The following NFIL3 variants were observed in gnomAD, a reference collection of about 807,000 sequenced individuals.
NFIL3 encodes the protein nuclear factor interleukin-3-regulated protein.
In NFIL3, 5 loss-of-function variants were observed where a neutral mutation model predicts 10.0. That is an observed-to-expected ratio of 0.50 (90% CI 0.26 to 1.06). The LOEUF is 1.06. Ranked by LOEUF, NFIL3 falls within the 50% of genes least tolerant of loss-of-function variation. The pLI, the probability that NFIL3 is intolerant of heterozygous loss-of-function variation, is 0.13. For synonymous variants in NFIL3, 202 were observed against 206.5 expected (o/e 0.98, Z 0.19); for missense variants, 436 against 547.6 (o/e 0.80, Z 2.03).
the NFIL3 span, among the ~76,000 whole-genome samples, chr9:91,465,151 T>C: frequency 6.6e-6 from 1 of 152,146 alleles, no homozygotes; most frequent in South Asian, 2.1e-4. Flanking sequence ...TTTTGGAAAG[T>C]TCTTAACCAT....
At chr9:91,424,421 A>C (rs933100359), upstream of NFIL3, among the ~76,000 whole-genome samples, 18 of 152,088 alleles carry the variant, frequency 1.2e-4, no homozygotes, top group Non-Finnish European at 1.9e-4. Flanking sequence ...TGGGGTGGGC[A>C]GGAGGGAAGG....
intron 1 of NFIL3, among the ~76,000 whole-genome samples, chr9:91,419,801 G>A (rs1400422384): frequency 6.6e-6 from 1 of 152,206 alleles, no homozygotes; most frequent in African/African-American, 2.4e-5. Context: ...TTTGCTGCTC[G>A]TGACTCTTAC....
chr9:91,449,145 G>A, the NFIL3 span, among the ~76,000 whole-genome samples: 1 of 152,080 alleles, frequency 6.6e-6, no homozygotes, highest in South Asian at 2.1e-4. Context: ...CTATAAGTAA[G>A]ACAATGCCAT....
At chr9:91,418,863 T>G (rs922846084) in intron 1 of NFIL3, among the ~76,000 whole-genome samples, 1 of 151,852 alleles carries the variant, frequency 6.6e-6, no homozygotes, top group Non-Finnish European at 1.5e-5. Flanking sequence ...GTGTTTTTTT[T>G]TTTTTTAACT....
At chr9:91,449,206 T>G in the NFIL3 span, among the ~76,000 whole-genome samples, 1 of 152,176 alleles carries the variant, frequency 6.6e-6, no homozygotes, top group African/African-American at 2.4e-5. Flanking sequence ...TTTTTTATTG[T>G]CTAATTGCTC....
chr9:91,409,534 T>C lies in NFIL3; in HGVS notation c.1201A>G (p.Lys401Glu), dbSNP rs745369279. The C allele has an allele frequency of 2.4e-5, 38 of 1,613,918 alleles. No individual in the cohort carries two copies. Among genetic ancestry groups the C allele is most frequent in the Non-Finnish European group, 3.1e-5 (37 of 1,179,894 alleles). Residue 401 changes from lysine (K) to glutamate (E), a missense_variant, in exon 2 of 2, where the codon AAA (lysine) becomes GAA (glutamate). By Grantham distance (56) the Lys-to-Glu change is moderately conservative. This residue lies in a region of NFIL3 where 338 missense variants were observed against 399.9 expected (regional missense o/e 0.85). Transcript: ENST00000297689. ...TTCTGAGTTTTGCCACTCAGTTCTT[T>C]TTGATGCCAGTGCTCCGATTTGAGA... ...WSLKSEHWHQ[K>E]ELSGKTQNSF...
chr9:91,480,962 G>C, the NFIL3 span, among the ~76,000 whole-genome samples: 1 of 152,156 alleles, frequency 6.6e-6, no homozygotes, highest in Admixed American at 6.5e-5. Flanking sequence ...GCGCGCAGAG[G>C]GTGACCTTAA....
chr9:91,467,031 A>G, the NFIL3 span, among the ~76,000 whole-genome samples: 2 of 152,220 alleles, frequency 1.3e-5, no homozygotes, highest in African/African-American at 4.8e-5. Flanking sequence ...GACTGCATTG[A>G]GAGTCAAGCT....
chr9:91,424,049 C>T (rs535220401), upstream of NFIL3, among the ~76,000 whole-genome samples: 2 of 150,554 alleles, frequency 1.3e-5, no homozygotes, highest in Non-Finnish European at 3.0e-5. Context: ...TCGCGTCCCT[C>T]CCCGGCCAGG....
At chr9:91,451,778 C>T in the NFIL3 span, among the ~76,000 whole-genome samples, 1 of 152,250 alleles carries the variant, frequency 6.6e-6, no homozygotes, top group Non-Finnish European at 1.5e-5. Flanking sequence ...ATTGGCCCTG[C>T]GGGATTCAGG....
the NFIL3 span, among the ~76,000 whole-genome samples, chr9:91,477,143 C>G: frequency 2.0e-5 from 3 of 152,262 alleles, no homozygotes; most frequent in South Asian, 4.1e-4. Context: ...AGCCTGAAAT[C>G]AAGGTGCTGG....
At chr9:91,479,588 G>C in the NFIL3 span, among the ~76,000 whole-genome samples, 12 of 152,198 alleles carry the variant, frequency 7.9e-5, no homozygotes, top group African/African-American at 2.9e-4. Context: ...GGGCTCTGTG[G>C]GGGTGGGATC....
Position 91,410,229 on chromosome 9 carries a change from G to A in NFIL3, c.506C>T (p.Ser169Leu), listed in dbSNP as rs1833517687. The change falls in exon 2 of 2, where the codon TCG becomes TTG. Residue 169 changes from serine to leucine, a missense_variant. Physicochemically the swap from Ser to Leu is moderately radical, Grantham distance 145 (BLOSUM62 -2). Transcript: ENST00000297689. The surrounding 1 kb of genome is among the most constrained non-coding windows in gnomAD (Gnocchi z 5.7). ...AGAAATACAACTACTTGACACCATC[G>A]AGGGTTCGTGCTCGTCCACAAATGA... is the stretch of plus-strand genomic sequence containing the variant. The part of the protein sequence containing the change: ...VSSFVDEHEP[S>L]MVSSSCISVI... The A allele has an allele frequency of 3.7e-6, 6 of 1,614,120 alleles. No homozygotes were observed. Among genetic ancestry groups the A allele is most frequent in the African/African-American group, 2.7e-5 (2 of 75,032 alleles).
chr9:91,430,716 G>A, the NFIL3 span, among the ~76,000 whole-genome samples: 3 of 152,124 alleles, frequency 2.0e-5, no homozygotes, highest in Non-Finnish European at 2.9e-5. Context: ...CATGATCATA[G>A]CTCACTGCAG....
At chr9:91,427,341 G>C (rs1351441806), upstream of NFIL3, among the ~76,000 whole-genome samples, 2 of 152,180 alleles carry the variant, frequency 1.3e-5, no homozygotes, top group Non-Finnish European at 2.9e-5. Context: ...GGGACTCAGT[G>C]GCTAAAAAGC....
the NFIL3 span, among the ~76,000 whole-genome samples, chr9:91,443,205 AG>A: frequency 6.6e-6 from 1 of 152,268 alleles, no homozygotes; most frequent in South Asian, 2.1e-4. Flanking sequence ...TGGGCTCAGA[AG>A]GGAAGAAATG....
At chr9:91,426,341 C>T (rs1456731014), upstream of NFIL3, 1 of 152,094 alleles carries the variant, frequency 6.6e-6, no homozygotes, top group African/African-American at 2.4e-5. Context: ...GGATCTGTCC[C>T]CAGGGCCGAA....
upstream of NFIL3, among the ~76,000 whole-genome samples, chr9:91,426,679 T>A (rs35301911): frequency 2.0e-5 from 3 of 152,150 alleles, no homozygotes; most frequent in Non-Finnish European, 4.4e-5. Context: ...TTTATTATAC[T>A]GCCAACATGG....
rs1275031855 is a variant in NFIL3, at chr9:91,410,423, T to C, written c.312A>G (p.Lys104=). 6.2e-7 allele frequency: 1 copy of C among 1,613,974 alleles called. No individual in the cohort carries two copies. Among genetic ancestry groups the C allele is most frequent in the East Asian group, 2.2e-5 (1 of 44,890 alleles). ...RRLNDLVLEN[K]LIALGEENAT... is the part of the protein sequence containing the mutation. ...CGTTTTCTTCTCCCAGTGCAATTAG[T>C]TTGTTCTCTAAAACCAGGTCATTCA... The change falls in exon 2 of 2, where the codon AAA becomes AAG. Residue 104 remains lysine (K), a synonymous_variant. Transcript: ENST00000297689. The surrounding 1 kb of genome is among the most constrained non-coding windows in gnomAD (Gnocchi z 5.7).
Sources: allele counts gnomAD v4.1 joint callset (sites outside exome capture counted in the v4.1 genomes callset), GRCh38; gene constraint gnomAD v4.1.1; regional missense constraint gnomAD v4.1.1; non-coding constraint Gnocchi (gnomAD v3.1); transcripts MANE v1.5; gene names NCBI Gene and HGNC (gene_info 2026-07-23, HGNC 2026-07-21).